SH3BP5: variants seen among roughly 807,000 people sequenced by gnomAD.
SH3BP5 encodes SH3 domain binding protein 5.
A neutral mutation model predicts 43.3 loss-of-function variants in SH3BP5; 22 were observed. The ratio of observed to expected loss-of-function variants is 0.51; its 90% confidence interval spans 0.36 to 0.73. The LOEUF (loss-of-function observed/expected upper bound fraction) is 0.73. SH3BP5 is among the 30% of genes least tolerant of loss of function. SH3BP5 has a pLI of 0.00. For synonymous variants in SH3BP5, 255 were observed against 225.8 expected (o/e 1.13, Z -1.16); for missense variants, 529 against 586.9 (o/e 0.90, Z 1.02).
At chr3:15,328,268 A>G (rs1698514360) in intron 2 of SH3BP5, among the ~76,000 whole-genome samples, 1 of 152,184 alleles carries the variant, frequency 6.6e-6, no homozygotes, top group South Asian at 2.1e-4. Context: ...AATGGGATTC[A>G]GAAGTAAGGG....
At chr3:15,289,772 G>A (rs138443933) in intron 3 of SH3BP5, among the ~76,000 whole-genome samples, 245 of 152,056 alleles carry the variant, frequency 1.6e-3, no homozygotes, top group African/African-American at 5.4e-3. Context: ...AAACTAATAC[G>A]GCATCTTACA....
At position 15,301,284 on chromosome 3, in the gene SH3BP5, C is replaced by T. The variant is rs564611166; in HGVS notation, c.330+2819G>A. On this transcript the variant is annotated intron_variant, in intron 3 of 8. Coordinates refer to ENST00000383791, the MANE Select transcript of SH3BP5 (RefSeq NM_004844.5). ...AAAGAGGCTGTGAGTAAAGGAGCAA[C>T]GGAGAGGAAATGCTCATGACTTCAA... Among the ~76,000 whole-genome samples the T allele has an allele frequency of 3.3e-5, 5 of 152,258 alleles. No homozygotes were observed. In the South Asian group the frequency reaches 1.0e-3, roughly 32 times the overall value.
At chr3:15,268,123 G>A (rs1696693914) in intron 4 of SH3BP5, among the ~76,000 whole-genome samples, 1 of 152,218 alleles carries the variant, frequency 6.6e-6, no homozygotes, top group African/African-American at 2.4e-5. Flanking sequence ...GCCCACTAGG[G>A]GGCAGGAGGC....
chr3:15,320,483 G>A (rs907405434), intron 2 of SH3BP5, among the ~76,000 whole-genome samples: 4 of 152,064 alleles, frequency 2.6e-5, no homozygotes, highest in African/African-American at 4.8e-5. Context: ...AGTCTTTAAT[G>A]TTGGAAACAT....
At chr3:15,309,908 C>CG (rs987125793) in intron 2 of SH3BP5, among the ~76,000 whole-genome samples, 8 of 93,664 alleles carry the variant, frequency 8.5e-5, no homozygotes, top group South Asian at 5.2e-4. Context: ...CCCGCTCCAC[C>CG]CCCCCCCCAT....
At chr3:15,325,361 T>C (rs1698433706) in intron 2 of SH3BP5, among the ~76,000 whole-genome samples, 2 of 152,232 alleles carry the variant, frequency 1.3e-5, no homozygotes, top group African/African-American at 2.4e-5. Flanking sequence ...TACTCGCCCA[T>C]GCCTGGCACA....
chr3:15,275,208 C>T (rs1559434224), intron 3 of SH3BP5, among the ~76,000 whole-genome samples: 2 of 152,220 alleles, frequency 1.3e-5, no homozygotes, highest in Non-Finnish European at 2.9e-5. Context: ...AGGAGTGTAT[C>T]AGGCAGCAGG....
intron 4 of SH3BP5, 30 bp downstream of exon 4, chr3:15,269,683 C>A (rs764254769): frequency 6.5e-7 from 1 of 1,532,772 alleles, no homozygotes. Context: ...ACGCGCACAC[C>A]CCCACAGCAC....
At chr3:15,276,910 T>C (rs1378128657) in intron 3 of SH3BP5, among the ~76,000 whole-genome samples, 1 of 152,184 alleles carries the variant, frequency 6.6e-6, no homozygotes, top group East Asian at 1.9e-4. Context: ...CATTTAAGTC[T>C]CAAAATAACC....
chr3:15,324,218 C>G (rs1262918736), intron 2 of SH3BP5, among the ~76,000 whole-genome samples: 3 of 152,232 alleles, frequency 2.0e-5, no homozygotes, highest in Admixed American at 6.5e-5. Flanking sequence ...CTGATGTTAT[C>G]TCTTCAGACT....
intron 5 of SH3BP5, among the ~76,000 whole-genome samples, 162 bp downstream of exon 5, chr3:15,261,997 T>G (rs1475172608): frequency 6.6e-6 from 1 of 152,014 alleles, no homozygotes; most frequent in Non-Finnish European, 1.5e-5. Flanking sequence ...TCATAGAATA[T>G]TAGGGGGAAA....
At chr3:15,328,742 G>A (rs1396876560) in intron 2 of SH3BP5, among the ~76,000 whole-genome samples, 3 of 152,118 alleles carry the variant, frequency 2.0e-5, no homozygotes, top group South Asian at 2.1e-4. Context: ...AGGAGATCTG[G>A]AAAATGCCTG....
At chr3:15,327,550 A>T (rs1394458449) in intron 2 of SH3BP5, among the ~76,000 whole-genome samples, 1 of 152,222 alleles carries the variant, frequency 6.6e-6, no homozygotes, top group African/African-American at 2.4e-5. Flanking sequence ...GCATCTGCTC[A>T]GGTGTCCTCC....
At chr3:15,329,144 T>C (rs1009041799) in intron 2 of SH3BP5, among the ~76,000 whole-genome samples, 2 of 139,966 alleles carry the variant, frequency 1.4e-5, no homozygotes, top group African/African-American at 5.0e-5. Flanking sequence ...AGTAAGACTC[T>C]GTCTCAAAAA....
At chr3:15,303,606 G>C (rs1357876435) in intron 3 of SH3BP5, among the ~76,000 whole-genome samples, 1 of 150,764 alleles carries the variant, frequency 6.6e-6, no homozygotes, top group African/African-American at 2.4e-5. Context: ...TCAGGACAAA[G>C]AACCAAAGTT....
chr3:15,294,265 C>T (rs928760045), intron 3 of SH3BP5, among the ~76,000 whole-genome samples: 5 of 151,112 alleles, frequency 3.3e-5, no homozygotes, highest in Non-Finnish European at 5.9e-5. Context: ...GACTCTAAGC[C>T]CCAGTTTCTT....
chr3:15,333,268 T>C, upstream of SH3BP5: 1 of 985,444 alleles, frequency 1.0e-6, no homozygotes, highest in Non-Finnish European at 1.2e-6. Flanking sequence ...AAGGCCAAAC[T>C]GAAGAGGCAC....
chr3:15,315,878 T>C (rs1698172426), intron 2 of SH3BP5, among the ~76,000 whole-genome samples: 1 of 152,172 alleles, frequency 6.6e-6, no homozygotes, highest in African/African-American at 2.4e-5. Flanking sequence ...GCAGACACCA[T>C]GCCCCTTTAC....
Position 15,258,870 on chromosome 3 carries a change from C to T in SH3BP5, c.850G>A (p.Asp284Asn). 6.2e-7 allele frequency: 1 copy of T among 1,614,200 alleles called. No individual in the cohort carries two copies. The highest frequency in any genetic ancestry group is 8.5e-7 in the Non-Finnish European group (1 of 1,180,036). Residue 284 changes from aspartate to asparagine, a missense_variant, in exon 7 of 9, where the codon GAT becomes AAT. Asp to Asn is a conservative substitution (Grantham distance 23). Transcript: ENST00000383791. ...GGCTCAGGTTTGCTCCCTGGCAGAT[C>T]CTCCACAGATGTGCTGCTGCCCTCA... is the stretch of plus-strand genomic sequence containing the variant. ...GAEGSSTSVE[D>N]LPGSKPEPDA...
Sources: gnomAD v4.1 joint callset for allele counts (sites outside exome capture counted in the v4.1 genomes callset) on GRCh38, gnomAD v4.1.1 for gene constraint, MANE v1.5 for transcripts, NCBI Gene and HGNC (gene_info 2026-07-23, HGNC 2026-07-21) for gene names.